Variants in DNAH7 observed in about 807,000 individuals in gnomAD.
DNAH7 encodes the protein dynein axonemal heavy chain 7.
Under a neutral mutation model 444.6 loss-of-function variants are expected in DNAH7, and 397 were observed. The observed-to-expected ratio is 0.89, with a 90% CI of 0.82 to 0.97. The LOEUF (loss-of-function observed/expected upper bound fraction) is 0.97, where lower values mean the gene tolerates loss of function less well. DNAH7 is among the 50% of genes least tolerant of loss of function. DNAH7 has a pLI of 0.00. For synonymous variants in DNAH7, 1,636 were observed against 1,624.4 expected (o/e 1.01, Z -0.17); for missense variants, 4,902 against 4,800.8 (o/e 1.02, Z -0.62).
At chr2:195,806,606 T>C (rs1696722289) in intron 54 of DNAH7, 134 bp downstream of exon 54, 2 of 601,084 alleles carry the variant, frequency 3.3e-6, no homozygotes. Flanking sequence ...AATGTCTGCA[T>C]TAGAAAGAAG....
Position 196,000,729 on chromosome 2 carries a change from A to G in DNAH7, c.1328T>C (p.Val443Ala), listed in dbSNP as rs756121668. 11 of 1,581,470 alleles carry G rather than the reference A, an allele frequency of 7.0e-6. No individual in the cohort carries two copies. The highest frequency in any genetic ancestry group is 9.4e-6 in the Non-Finnish European group (11 of 1,164,832). ...CCACTTGGAATACAATTTTGTCTCA[A>G]CTCTTGGCACAAAACTGACAGCTTT... ...MIKAVSFVPRVETKLYSKWES... is the reference protein window; with the variant it reads ...MIKAVSFVPRAETKLYSKWES... Residue 443 changes from valine to alanine, a missense_variant, in exon 12 of 65, where the codon GTT (valine) becomes GCT (alanine). Val to Ala is a moderately conservative substitution (Grantham distance 64, BLOSUM62 0). Transcript: ENST00000312428.
chr2:195,753,208 T>C (rs903966756), intron 63 of DNAH7, among the ~76,000 whole-genome samples: 3 of 150,714 alleles, frequency 2.0e-5, no homozygotes, highest in African/African-American at 7.3e-5. Flanking sequence ...TGCTAAAAGC[T>C]CTCTTCAGAT....
At chr2:195,983,032 A>G (rs189416618) in intron 15 of DNAH7, among the ~76,000 whole-genome samples, 3 of 152,268 alleles carry the variant, frequency 2.0e-5, no homozygotes. Flanking sequence ...CAGATACCCC[A>G]TTTACCCTGA....
intron 63 of DNAH7, among the ~76,000 whole-genome samples, chr2:195,752,487 G>T (rs1316083485): frequency 6.6e-6 from 1 of 152,124 alleles, no homozygotes. Context: ...TTAGAGGAAA[G>T]ATCTAGATTG....
chr2:195,948,205 G>A (rs1176125291), intron 19 of DNAH7, among the ~76,000 whole-genome samples: 1 of 152,028 alleles, frequency 6.6e-6, no homozygotes, highest in Non-Finnish European at 1.5e-5. Flanking sequence ...TTTGTCAGAT[G>A]GATAGATTGC....
At chr2:195,960,142 G>C in intron 18 of DNAH7, 118 bp downstream of exon 18, 1 of 843,826 alleles carries the variant, frequency 1.2e-6, no homozygotes, top group South Asian at 2.1e-5. Context: ...ATTCTCAAAA[G>C]AAATAAAATA....
At chr2:195,909,989 G>T (rs756514058) in intron 25 of DNAH7, 38 bp downstream of exon 25, 21 of 1,570,920 alleles carry the variant, frequency 1.3e-5, no homozygotes, top group Non-Finnish European at 1.7e-5. Context: ...TCTCTGATCA[G>T]TTATCCTGTT....
Position 196,068,686 on chromosome 2 carries a change from A to G in DNAH7, c.15+11T>C, listed in dbSNP as rs1698569537. On this transcript the variant is annotated intron_variant, in intron 1 of 64. Transcript: ENST00000312428. ...GGCGGCGGCGAGCCTGGCAAAGAGC[A>G]GCCCTCTCACCTGCTCACTGCTCAT... 6.4e-7 allele frequency: 1 copy of G among 1,551,138 alleles called. No individual in the cohort carries two copies. Among genetic ancestry groups the G allele is most frequent in the East Asian group, 2.4e-5 (1 of 41,074 alleles).
At chr2:195,751,993 A>G (rs1693824030) in intron 63 of DNAH7, among the ~76,000 whole-genome samples, 1 of 152,202 alleles carries the variant, frequency 6.6e-6, no homozygotes, top group Admixed American at 6.5e-5. Context: ...TGGTGGGGCC[A>G]GGTGCAGTGG....
chr2:195,773,160 G>T (rs934755151), intron 60 of DNAH7, among the ~76,000 whole-genome samples: 5 of 151,818 alleles, frequency 3.3e-5, no homozygotes, highest in African/African-American at 4.8e-5. Flanking sequence ...TTAAATGTTG[G>T]TACATTTTAA....
intron 19 of DNAH7, among the ~76,000 whole-genome samples, chr2:195,938,718 C>CT (rs908610810): frequency 1.3e-5 from 2 of 152,056 alleles, no homozygotes; most frequent in African/African-American, 4.8e-5. Context: ...TTCAGGTAAA[C>CT]TTTTTTTATT....
Position 196,017,533 on chromosome 2 carries a change from T to C in DNAH7, c.869+1637A>G, listed in dbSNP as rs571035943. ...ATTCCTCTCACCAAATATAAGCACA[T>C]GCCATAGAGTCACCCTAATCAAATT... On this transcript the variant is annotated intron_variant, in intron 9 of 64. Coordinates refer to ENST00000312428, the MANE Select transcript of DNAH7 (RefSeq NM_018897.3). Among the ~76,000 whole-genome samples the C allele has an allele frequency of 7.3e-5, 11 of 150,728 alleles. No individual in the cohort carries two copies. The South Asian group carries it at 2.3e-3, about 31-fold the overall frequency.
intron 17 of DNAH7, among the ~76,000 whole-genome samples, chr2:195,961,963 A>G (rs1691140390): frequency 6.6e-6 from 1 of 152,216 alleles, no homozygotes; most frequent in Non-Finnish European, 1.5e-5. Context: ...TAAAATGAAT[A>G]AAATATACTA....
At chr2:195,753,691 CTT>C (rs945794289) in intron 63 of DNAH7, among the ~76,000 whole-genome samples, 11 of 152,166 alleles carry the variant, frequency 7.2e-5, no homozygotes, top group African/African-American at 1.4e-4. Flanking sequence ...AAAAATAACT[CTT>C]ATTTAAAATC....
At chr2:196,014,022 T>C (rs532333421) in intron 9 of DNAH7, among the ~76,000 whole-genome samples, 2 of 152,216 alleles carry the variant, frequency 1.3e-5, no homozygotes, top group African/African-American at 2.4e-5. Context: ...ATTCGAGGCA[T>C]AGAATACCAT....
In DNAH7 at chr2:195,934,678, T is replaced by C. The variant is rs754163866; in HGVS notation, c.3384A>G (p.Ile1128Met). The change falls in exon 21 of 65, where the codon ATA (isoleucine) becomes ATG (methionine). Residue 1128 changes from isoleucine to methionine, a missense_variant. Transcript: ENST00000312428. Reference protein sequence around the residue: ...KSSEGEVVELIEIISTAKARG... With the variant: ...KSSEGEVVELMEIISTAKARG... ...TGGCTTTGGCTGTTGAAATAATCTC[T>C]ATGAGTTCTACAACCTCTCCTTCGC... 1 of 1,614,150 alleles carries C rather than the reference T, an allele frequency of 6.2e-7. No individual in the cohort carries two copies. The highest frequency in any genetic ancestry group is 8.5e-7 in the Non-Finnish European group (1 of 1,179,990).
intron 64 of DNAH7, among the ~76,000 whole-genome samples, chr2:195,739,553 A>T (rs1239130714): frequency 1.3e-5 from 2 of 152,230 alleles, no homozygotes; most frequent in Non-Finnish European, 2.9e-5. Flanking sequence ...GGTGCCTAGG[A>T]AATGTGGCTT....
intron 17 of DNAH7, among the ~76,000 whole-genome samples, chr2:195,963,338 G>A (rs1383501486): frequency 6.6e-6 from 1 of 152,070 alleles, no homozygotes; most frequent in African/African-American, 2.4e-5. Context: ...TTGTAGTTTT[G>A]ATTTGCATGT....
chr2:195,964,141 G>A (rs1691301775), intron 17 of DNAH7, among the ~76,000 whole-genome samples: 1 of 151,948 alleles, frequency 6.6e-6, no homozygotes, highest in Non-Finnish European at 1.5e-5. Context: ...ATGGGCAGGA[G>A]ACAAAAAAAA....
Sources: allele counts gnomAD v4.1 joint callset (sites outside exome capture counted in the v4.1 genomes callset), GRCh38; gene constraint gnomAD v4.1.1; transcripts MANE v1.5; gene names NCBI Gene and HGNC (gene_info 2026-07-23, HGNC 2026-07-21).